The following DPYD variants were observed in gnomAD, a reference collection of about 807,000 sequenced individuals.
DPYD encodes the protein dihydropyrimidine dehydrogenase, also known as dihydropyrimidine dehydrogenase [NADP(+)].
DPYD carries 109 observed loss-of-function variants against 116.2 expected under a neutral mutation model. That is an observed-to-expected ratio of 0.94 (90% CI 0.80 to 1.10). The LOEUF (loss-of-function observed/expected upper bound fraction) is 1.10, where lower values mean the gene tolerates loss of function less well. DPYD is among the 50% of genes least tolerant of loss of function. DPYD has a pLI of 0.00. For missense variants in DPYD, 1,302 were observed against 1,254.5 expected, an observed-to-expected ratio of 1.04 and a Z score of -0.57; for synonymous variants, 440 against 432.0, an observed-to-expected ratio of 1.02 and a Z score of -0.23.
intron 20 of DPYD, among the ~76,000 whole-genome samples, chr1:97,117,654 A>G (rs556135302): frequency 3.3e-4 from 51 of 152,316 alleles, no homozygotes; most frequent in African/African-American, 1.2e-3. Flanking sequence ...TCATAAGTGA[A>G]AATGGTCTAT....
At chr1:97,502,298 T>C (rs549423764) in intron 13 of DPYD, among the ~76,000 whole-genome samples, 1 of 152,068 alleles carries the variant, frequency 6.6e-6, no homozygotes, top group Admixed American at 6.6e-5. Context: ...ATCTAAACTT[T>C]GCCATTAGCA....
chr1:97,531,866 T>G (rs1329173072), intron 12 of DPYD, among the ~76,000 whole-genome samples: 1 of 152,134 alleles, frequency 6.6e-6, no homozygotes. Flanking sequence ...CTAAGTACTT[T>G]ATTCTTTCTG....
intron 14 of DPYD, among the ~76,000 whole-genome samples, chr1:97,386,256 C>T (rs548410160): frequency 2.0e-5 from 3 of 149,594 alleles, no homozygotes; most frequent in African/African-American, 7.4e-5. Flanking sequence ...CTATCAAAAT[C>T]CCTCAGTGGA....
intron 16 of DPYD, among the ~76,000 whole-genome samples, chr1:97,354,877 T>A (rs1670344282): frequency 6.6e-6 from 1 of 152,196 alleles, no homozygotes; most frequent in Admixed American, 6.5e-5. Flanking sequence ...ATCACATTAA[T>A]CCCTGGAGAA....
intron 1 of DPYD, among the ~76,000 whole-genome samples, chr1:97,916,716 T>G (rs947057524): frequency 6.6e-6 from 1 of 152,194 alleles, no homozygotes; most frequent in African/African-American, 2.4e-5. Context: ...ACTATTCATC[T>G]GAATTCATAT....
chr1:97,208,246 CTCTTTCTT>C (rs375270766), intron 19 of DPYD, among the ~76,000 whole-genome samples: 45 of 130,142 alleles, frequency 3.5e-4, no homozygotes, highest in African/African-American at 1.1e-3. Context: ...TTTCTTCTTT[CTCTTTCTT>C]TCTTTCTTTC....
chr1:97,383,457 C>A (rs1247870939), intron 14 of DPYD, among the ~76,000 whole-genome samples: 10 of 135,430 alleles, frequency 7.4e-5, no homozygotes, highest in Admixed American at 2.4e-4. Flanking sequence ...GCCTGGGCAA[C>A]AGAGCGAGAC....
chr1:97,880,868 C>G (rs1193501308), intron 2 of DPYD, among the ~76,000 whole-genome samples: 1 of 151,878 alleles, frequency 6.6e-6, no homozygotes, highest in African/African-American at 2.4e-5. Context: ...TCAAAAACAT[C>G]TTAATGACTG....
chr1:97,236,337 T>C (rs1170356900), intron 18 of DPYD, among the ~76,000 whole-genome samples: 2 of 152,004 alleles, frequency 1.3e-5, no homozygotes, highest in African/African-American at 4.8e-5. Context: ...CTGGAGTGCT[T>C]ACTCTGAGGT....
At chr1:97,352,092 T>A (rs752180933) in intron 16 of DPYD, among the ~76,000 whole-genome samples, 1 of 152,128 alleles carries the variant, frequency 6.6e-6, no homozygotes, top group Admixed American at 6.5e-5. Flanking sequence ...TCTAAAATGA[T>A]GCAGTGAGAT....
intron 20 of DPYD, among the ~76,000 whole-genome samples, chr1:97,163,924 G>A (rs1440996442): frequency 6.6e-6 from 1 of 152,144 alleles, no homozygotes; most frequent in Non-Finnish European, 1.5e-5. Context: ...GGTTCATAGA[G>A]TTCAATCATT....
rs553711753 is a variant in DPYD, at chr1:97,258,774, G to A, written c.2300-23780C>T. Among the ~76,000 whole-genome samples, 13 of 152,282 alleles carry A rather than the reference G, an allele frequency of 8.5e-5. No individual in the cohort carries two copies. The East Asian group carries it at 2.5e-3, about 29-fold the overall frequency. ...CAGATAAGATTGTATTTTGGACTTTGTATATGATGGTGGTGTTGCATAAGG... is the reference window on the plus strand; with the variant it reads ...CAGATAAGATTGTATTTTGGACTTTATATATGATGGTGGTGTTGCATAAGG... On this transcript the variant is annotated intron_variant, in intron 18 of 22. Coordinates refer to ENST00000370192, the MANE Select transcript of DPYD (RefSeq NM_000110.4).
Position 97,921,006 on chromosome 1 carries a change from C to T in DPYD, c.-84G>A. On this transcript the variant is annotated 5_prime_UTR_variant, in exon 1 of 23. Coordinates refer to ENST00000370192, the MANE Select transcript of DPYD (RefSeq NM_000110.4). ...CAGCCAGAGAGCCAAGTGACAGCAGCCGGAGCGCGAGTCGAAAACAGGCAG... is the reference window on the plus strand; with the variant it reads ...CAGCCAGAGAGCCAAGTGACAGCAGTCGGAGCGCGAGTCGAAAACAGGCAG... The T allele has an allele frequency of 1.3e-6, 2 of 1,526,332 alleles. No individual in the cohort carries two copies. Among genetic ancestry groups the T allele is most frequent in the Non-Finnish European group, 1.8e-6 (2 of 1,125,850 alleles). The allele number at this position is 1,526,332 out of a possible 1,614,324, so 94.5% of individuals were successfully genotyped here. A position where few individuals can be genotyped will look rare whatever the true frequency, so the allele number is the denominator to read the frequency against.
At chr1:97,520,423 C>G (rs1648562770) in intron 12 of DPYD, among the ~76,000 whole-genome samples, 1 of 152,118 alleles carries the variant, frequency 6.6e-6, no homozygotes, top group Non-Finnish European at 1.5e-5. Flanking sequence ...GGGACATTTC[C>G]TTACTACCAC....
At chr1:97,768,190 T>C (rs1665965042) in intron 3 of DPYD, among the ~76,000 whole-genome samples, 1 of 152,150 alleles carries the variant, frequency 6.6e-6, no homozygotes, top group South Asian at 2.1e-4. Context: ...CCCAAATAAT[T>C]CTTGATTTTT....
At chr1:97,391,622 G>A (rs1363602520) in intron 14 of DPYD, among the ~76,000 whole-genome samples, 10 of 151,952 alleles carry the variant, frequency 6.6e-5, no homozygotes, top group African/African-American at 2.2e-4. Flanking sequence ...AATATCTCCA[G>A]GTTCCTCATT....
At chr1:97,696,625 T>C (rs997714104) in intron 6 of DPYD, among the ~76,000 whole-genome samples, 24 of 152,138 alleles carry the variant, frequency 1.6e-4, no homozygotes, top group African/African-American at 5.8e-4. Context: ...AAAAATTTCT[T>C]GTAATCGTAA....
intron 7 of DPYD, among the ~76,000 whole-genome samples, chr1:97,684,572 T>A (rs2780851): frequency 0.052 from 7,579 of 146,258 alleles, 256 homozygotes; most frequent in South Asian, 0.067. Context: ...GAAAAAAAAA[T>A]ATATATATAT....
intron 2 of DPYD, among the ~76,000 whole-genome samples, chr1:97,838,070 A>AT (rs1468751947): frequency 6.6e-6 from 1 of 152,216 alleles, no homozygotes; most frequent in South Asian, 2.1e-4. Context: ...ATCAAAAATT[A>AT]TAAGTATGCT....
Sources: allele counts gnomAD v4.1 joint callset (sites outside exome capture counted in the v4.1 genomes callset), GRCh38; gene constraint gnomAD v4.1.1; transcripts MANE v1.5; gene names NCBI Gene and HGNC (gene_info 2026-07-23, HGNC 2026-07-21).